RASA1: variants seen among roughly 807,000 people sequenced by gnomAD.
The protein encoded by RASA1 is ras GTPase-activating protein 1.
Under a neutral mutation model 132.2 loss-of-function variants are expected in RASA1, and 25 were observed. The ratio of observed to expected loss-of-function variants is 0.19; its 90% CI spans 0.14 to 0.26. RASA1 has a LOEUF of 0.26. RASA1 is among the 10% of genes least tolerant of loss of function. The probability of loss-of-function intolerance (pLI) is 1.00; values close to 1 mark genes in which losing one functional copy is unlikely to be tolerated. For synonymous variants in RASA1, 477 were observed against 449.9 expected (o/e 1.06, Z -0.76); for missense variants, 964 against 1,299.2 (o/e 0.74, Z 3.97).
intron 1 of RASA1, among the ~76,000 whole-genome samples, chr5:87,278,332 G>A (rs778581436): frequency 1.5e-4 from 22 of 151,590 alleles, no homozygotes; most frequent in Non-Finnish European, 2.1e-4. Context: ...GGATCACAGG[G>A]TCAGGAGATC....
At chr5:87,337,822 C>A in intron 4 of RASA1, 152 bp from the exon 5 acceptor site, 1 of 764,292 alleles carries the variant, frequency 1.3e-6, no homozygotes, top group Non-Finnish European at 1.9e-6. Flanking sequence ...GTGGATAATG[C>A]CAGAAATAGG....
At position 87,271,976 on chromosome 5, in the gene RASA1, A is replaced by T. The variant is rs193267179; in HGVS notation, c.539+2986A>T. ...GAGACTAGCTTGGCCAACACGGTGAAACCCCGTCTCTACTAAAAAAAAAAA... is the reference window on the plus strand; with the variant it reads ...GAGACTAGCTTGGCCAACACGGTGATACCCCGTCTCTACTAAAAAAAAAAA... On this transcript the variant is annotated intron_variant, in intron 1 of 24. Coordinates refer to ENST00000274376, the MANE Select transcript of RASA1 (RefSeq NM_002890.3). Among the ~76,000 whole-genome samples, 1,134 of 151,364 alleles carry T rather than the reference A, an allele frequency of 7.5e-3. 21 individuals carry two copies. Among genetic ancestry groups the T allele is most frequent in the African/African-American group, 0.026 (1,090 of 41,216 alleles).
At chr5:87,284,614 T>G (rs1754462327) in intron 1 of RASA1, among the ~76,000 whole-genome samples, 1 of 152,224 alleles carries the variant, frequency 6.6e-6, no homozygotes, top group South Asian at 2.1e-4. Context: ...AAATGAAATT[T>G]CAGTTAGATT....
intron 11 of RASA1, among the ~76,000 whole-genome samples, chr5:87,367,434 A>T (rs917683901): frequency 2.0e-5 from 3 of 152,210 alleles, no homozygotes; most frequent in African/African-American, 7.2e-5. Context: ...GTTAACAGCC[A>T]CCTTGTGCAG....
chr5:87,379,649 C>T (rs1307205826), intron 18 of RASA1, 86 bp from the exon 19 acceptor site: 15 of 1,526,552 alleles, frequency 9.8e-6, no homozygotes, highest in African/African-American at 1.4e-5. Context: ...TAGACAACCT[C>T]GAAAACTATA....
At chr5:87,318,985 T>C (rs2112328315) in intron 1 of RASA1, 1 of 152,360 alleles carries the variant, frequency 6.6e-6, no homozygotes, top group Non-Finnish European at 1.5e-5. Context: ...ATGGGAGAAA[T>C]AGCCAAAACA....
At chr5:87,313,867 G>C (rs142301470) in intron 1 of RASA1, among the ~76,000 whole-genome samples, 11 of 152,214 alleles carry the variant, frequency 7.2e-5, no homozygotes, top group African/African-American at 2.6e-4. Flanking sequence ...GATCAAAGAG[G>C]TCTGAAAATG....
intron 1 of RASA1, among the ~76,000 whole-genome samples, chr5:87,315,248 A>T (rs1405799716): frequency 2.6e-5 from 4 of 152,216 alleles, no homozygotes; most frequent in African/African-American, 9.6e-5. Flanking sequence ...ACAATTTTGG[A>T]TGCTGGGAAG....
At chr5:87,373,977 T>C (rs766566598) in intron 13 of RASA1, among the ~76,000 whole-genome samples, 186 bp from the exon 14 acceptor site, 3 of 151,792 alleles carry the variant, frequency 2.0e-5, no homozygotes, top group African/African-American at 4.8e-5. Context: ...GGAAGAATTA[T>C]TTTAAATGTC....
At chr5:87,367,251 A>G (rs1760594674) in intron 11 of RASA1, among the ~76,000 whole-genome samples, 1 of 152,242 alleles carries the variant, frequency 6.6e-6, no homozygotes, top group South Asian at 2.1e-4. Flanking sequence ...TTGATAAATT[A>G]TGTATTACCA....
At chr5:87,317,174 C>T (rs955596366) in intron 1 of RASA1, among the ~76,000 whole-genome samples, 14 of 152,158 alleles carry the variant, frequency 9.2e-5, no homozygotes, top group African/African-American at 2.7e-4. Context: ...TGAGCCACTG[C>T]GCCTGGCGGA....
At chr5:87,353,569 A>G (rs1219615593) in intron 9 of RASA1, among the ~76,000 whole-genome samples, 2 of 152,044 alleles carry the variant, frequency 1.3e-5, no homozygotes, top group East Asian at 3.9e-4. Flanking sequence ...GGAGTAATAA[A>G]AGGAAATAAA....
intron 4 of RASA1, 133 bp downstream of exon 4, chr5:87,333,470 G>C: frequency 7.3e-7 from 1 of 1,373,210 alleles, no homozygotes; most frequent in South Asian, 1.4e-5. Flanking sequence ...TTTGATATTG[G>C]GTCTGTTGGT....
chr5:87,286,846 TATATACACCATATAC>T (rs1299190250), intron 1 of RASA1, among the ~76,000 whole-genome samples: 2 of 150,632 alleles, frequency 1.3e-5, no homozygotes, highest in East Asian at 1.9e-4. Flanking sequence ...ATACCATATA[TATATACACCATATAC>T]ATATACACCA....
chr5:87,373,724 A>T (rs1353583838), intron 13 of RASA1, among the ~76,000 whole-genome samples: 1 of 152,134 alleles, frequency 6.6e-6, no homozygotes, highest in Non-Finnish European at 1.5e-5. Flanking sequence ...TGTTTTAAAA[A>T]TTTTTAGCTG....
Position 87,386,936 on chromosome 5 carries a change from G to C in RASA1, c.2925+33G>C, listed in dbSNP as rs372500489. The C allele has an allele frequency of 4.6e-5, 71 of 1,546,052 alleles. 2 individuals carry two copies. The Middle Eastern group carries it at 6.6e-4, about 14-fold the overall frequency. Reference sequence around the variant, plus strand: ...TATAGTTTTCAGGTACTTTTTTTAAGACTTCTAGTTGATATAGCTGAGTTA... The same window carrying C: ...TATAGTTTTCAGGTACTTTTTTTAACACTTCTAGTTGATATAGCTGAGTTA... On this transcript the variant is annotated intron_variant, in intron 23 of 24. Transcript: ENST00000274376.
rs183769778 is a variant in RASA1, at chr5:87,271,925, G to C, written c.539+2935G>C. On this transcript the variant is annotated intron_variant, in intron 1 of 24. Transcript: ENST00000274376. ...TCCCAGCAATTTGGGAGGCCAAGGC[G>C]AGTGGATCACTTGAGGTCAGAGTTC... is the stretch of plus-strand genomic sequence containing the variant. Among the ~76,000 whole-genome samples, 301 of 151,918 alleles carry C rather than the reference G, an allele frequency of 2.0e-3. 1 individual carries two copies. Among genetic ancestry groups the C allele is most frequent in the Non-Finnish European group, 3.5e-3 (236 of 67,928 alleles).
chr5:87,290,800 T>C (rs1200599772), intron 1 of RASA1, among the ~76,000 whole-genome samples: 2 of 152,218 alleles, frequency 1.3e-5, no homozygotes, highest in Non-Finnish European at 2.9e-5. Context: ...GGATTCATTC[T>C]TTCTTTCCAT....
chr5:87,312,345 A>T (rs1227298968), intron 1 of RASA1, among the ~76,000 whole-genome samples: 1 of 152,234 alleles, frequency 6.6e-6, no homozygotes, highest in East Asian at 1.9e-4. Flanking sequence ...CAAAAATGTA[A>T]ATTGGTGCTG....
Sources: gnomAD v4.1 joint callset for allele counts (sites outside exome capture counted in the v4.1 genomes callset) on GRCh38, gnomAD v4.1.1 for gene constraint, MANE v1.5 for transcripts, NCBI Gene and HGNC (gene_info 2026-07-23, HGNC 2026-07-21) for gene names.